The following MYO9B variants were observed in gnomAD, a reference collection of about 807,000 sequenced individuals.
The protein encoded by MYO9B is unconventional myosin-IXb.
In MYO9B, 71 loss-of-function variants were observed where a neutral mutation model predicts 229.5. The observed-to-expected ratio is 0.31, with a 90% CI of 0.26 to 0.38. The LOEUF (loss-of-function observed/expected upper bound fraction) is 0.38. MYO9B is among the 10% of genes least tolerant of loss of function. The pLI is 1.00. For missense variants in MYO9B, 2,255 were observed against 2,920.5 expected, an observed-to-expected ratio of 0.77 and a Z score of 5.25; for synonymous variants, 1,185 against 1,235.8, an observed-to-expected ratio of 0.96 and a Z score of 0.86.
intron 2 of MYO9B, among the ~76,000 whole-genome samples, chr19:17,134,534 G>A (rs2145189002): frequency 6.6e-6 from 1 of 151,656 alleles, no homozygotes; most frequent in Non-Finnish European, 1.5e-5. Flanking sequence ...TGGGATTATA[G>A]GAGCCCACCA....
intron 2 of MYO9B, among the ~76,000 whole-genome samples, chr19:17,107,266 T>C (rs955276418): frequency 6.6e-6 from 1 of 151,978 alleles, no homozygotes; most frequent in Non-Finnish European, 1.5e-5. Flanking sequence ...AGTAGGTGAA[T>C]GAATGAGAGG....
chr19:17,140,063 T>G (rs1216500949), intron 2 of MYO9B, among the ~76,000 whole-genome samples: 3 of 151,222 alleles, frequency 2.0e-5, no homozygotes, highest in African/African-American at 7.3e-5. Flanking sequence ...AAAAAATGAT[T>G]GGATGGATGG....
At chr19:17,139,326 G>A (rs1377425221) in intron 2 of MYO9B, among the ~76,000 whole-genome samples, 3 of 152,146 alleles carry the variant, frequency 2.0e-5, no homozygotes, top group Non-Finnish European at 2.9e-5. Context: ...GCTCATTCCT[G>A]TAATCCTAGC....
At chr19:17,087,212 T>C (rs973609047) in intron 1 of MYO9B, among the ~76,000 whole-genome samples, 4 of 152,142 alleles carry the variant, frequency 2.6e-5, no homozygotes, top group South Asian at 2.1e-4. Context: ...GGTGGGCGTA[T>C]AGCACAGGTC....
At chr19:17,211,611 G>A in intron 38 of MYO9B, 36 bp from the exon 39 acceptor site, 4 of 1,548,770 alleles carry the variant, frequency 2.6e-6, no homozygotes, top group Non-Finnish European at 3.5e-6. Context: ...ACTTCCGGTG[G>A]GGTGGCCTTG....
chr19:17,189,792 A>G (rs4808591), intron 19 of MYO9B, among the ~76,000 whole-genome samples: 80,606 of 151,464 alleles, frequency 0.53, 23,225 homozygotes, highest in East Asian at 0.74. Flanking sequence ...GGCTGGGCGC[A>G]GTGGCTCATG....
intron 1 of MYO9B, among the ~76,000 whole-genome samples, chr19:17,080,738 G>A (rs1238282435): frequency 6.6e-6 from 1 of 152,118 alleles, no homozygotes; most frequent in Non-Finnish European, 1.5e-5. Flanking sequence ...ACATGATGGT[G>A]AATGCCTGTG....
chr19:17,097,231 G>A (rs538012026), intron 1 of MYO9B, among the ~76,000 whole-genome samples: 78 of 151,804 alleles, frequency 5.1e-4, no homozygotes, highest in Non-Finnish European at 9.7e-4. Context: ...TGAGGCAGTA[G>A]AGTTGGTTCA....
At chr19:17,185,268 G>GGA (rs1357137428) in intron 17 of MYO9B, among the ~76,000 whole-genome samples, 3 of 151,774 alleles carry the variant, frequency 2.0e-5, no homozygotes, top group Admixed American at 1.3e-4. Flanking sequence ...CAGCTACTCG[G>GGA]GAGGCTGAGG....
chr19:17,078,099 GGT>G (rs1168957689), intron 1 of MYO9B, among the ~76,000 whole-genome samples: 1 of 152,130 alleles, frequency 6.6e-6, no homozygotes, highest in Non-Finnish European at 1.5e-5. Flanking sequence ...TCTTCCAAAT[GGT>G]GTGTCTTGGG....
chr19:17,082,578 G>A (rs185245752), intron 1 of MYO9B, among the ~76,000 whole-genome samples: 23 of 152,188 alleles, frequency 1.5e-4, no homozygotes, highest in African/African-American at 5.3e-4. Context: ...TGATTCCCAG[G>A]GTATGGGTAC....
At chr19:17,182,580 G>GT (rs368786235) in intron 15 of MYO9B, among the ~76,000 whole-genome samples, 1 of 151,308 alleles carries the variant, frequency 6.6e-6, no homozygotes, top group African/African-American at 2.4e-5. Flanking sequence ...ATTTTTTTCT[G>GT]TTTTTAGTAG....
At chr19:17,130,772 CAAAAAAA>C (rs71180365) in intron 2 of MYO9B, among the ~76,000 whole-genome samples, 1 of 133,014 alleles carries the variant, frequency 7.5e-6, no homozygotes, top group Non-Finnish European at 1.6e-5. Flanking sequence ...GACTTGGTCT[CAAAAAAA>C]AAAAAAAAAT....
At chr19:17,091,732 C>G (rs1320597224) in intron 1 of MYO9B, among the ~76,000 whole-genome samples, 2 of 152,152 alleles carry the variant, frequency 1.3e-5, no homozygotes, top group East Asian at 3.9e-4. Context: ...CCACCCCCAT[C>G]CCACTCCCAG....
intron 31 of MYO9B, 76 bp downstream of exon 31, chr19:17,205,412 T>C: frequency 1.4e-6 from 2 of 1,421,618 alleles, no homozygotes; most frequent in South Asian, 1.2e-5. Flanking sequence ...TGGTGCTTGA[T>C]GTGAGGGCCA....
intron 11 of MYO9B, among the ~76,000 whole-genome samples, 188 bp downstream of exon 11, chr19:17,168,252 C>G (rs1306572356): frequency 1.3e-5 from 2 of 152,172 alleles, no homozygotes; most frequent in Non-Finnish European, 2.9e-5. Context: ...GCAGCCTTGA[C>G]CTCCTGGGCT....
intron 18 of MYO9B, among the ~76,000 whole-genome samples, chr19:17,186,723 T>G (rs533696460): frequency 1.3e-5 from 2 of 151,992 alleles, no homozygotes; most frequent in South Asian, 4.2e-4. Flanking sequence ...CCGTTTGCCT[T>G]TGTTTGTTTT....
At chr19:17,151,758 A>T (rs972359045) in intron 3 of MYO9B, among the ~76,000 whole-genome samples, 30 of 152,094 alleles carry the variant, frequency 2.0e-4, no homozygotes, top group Non-Finnish European at 4.4e-4. Context: ...CTCTACAAAA[A>T]CTACAAAAAC....
chr19:17,107,433 A>G (rs1461396931), intron 2 of MYO9B, among the ~76,000 whole-genome samples: 1 of 152,156 alleles, frequency 6.6e-6, no homozygotes, highest in Non-Finnish European at 1.5e-5. Context: ...TTCAGGGTCC[A>G]TGTCCTCCCC....
Sources: gnomAD v4.1 joint callset for allele counts (sites outside exome capture counted in the v4.1 genomes callset) on GRCh38, gnomAD v4.1.1 for gene constraint, MANE v1.5 for transcripts, NCBI Gene and HGNC (gene_info 2026-07-23, HGNC 2026-07-21) for gene names.